MINDY2: variants seen among roughly 807,000 people sequenced by gnomAD.
MINDY2 encodes the protein ubiquitin carboxyl-terminal hydrolase MINDY-2.
MINDY2 carries 52 observed loss-of-function variants against 68.2 expected under a neutral mutation model. That is an observed-to-expected ratio of 0.76 (90% confidence interval 0.61 to 0.96). The LOEUF is 0.96. Among genes scored for constraint, MINDY2 ranks in the 40% least tolerant of loss-of-function variants. The pLI is 0.00. For synonymous variants in MINDY2, 372 were observed against 303.0 expected (o/e 1.23, Z -2.36); for missense variants, 881 against 773.4 (o/e 1.14, Z -1.65).
At chr15:58,787,783 G>T in intron 1 of MINDY2, 123 bp from the exon 2 acceptor site, 19 of 419,312 alleles carry the variant, frequency 4.5e-5, no homozygotes, top group Non-Finnish European at 4.7e-5. Context: ...TAATATATGT[G>T]AATGTTAATG....
chr15:58,831,136 G>A (rs771570297), intron 5 of MINDY2, among the ~76,000 whole-genome samples: 31 of 150,568 alleles, frequency 2.1e-4, no homozygotes, highest in Non-Finnish European at 4.1e-4. Flanking sequence ...ATCTATTTCC[G>A]AACTTGATAC....
At chr15:58,849,678 TTCTTTATA>T (rs2032718162) in intron 7 of MINDY2, among the ~76,000 whole-genome samples, 1 of 152,182 alleles carries the variant, frequency 6.6e-6, no homozygotes, top group African/African-American at 2.4e-5. Context: ...GAAGGACAAA[TTCTTTATA>T]TCTTTATATC....
chr15:58,854,108 G>T (rs185336836), intron 8 of MINDY2, among the ~76,000 whole-genome samples: 127 of 152,100 alleles, frequency 8.3e-4, no homozygotes, highest in African/African-American at 2.8e-3. Context: ...GCCAGGCGTG[G>T]TGGCAGGTGC....
At chr15:58,787,686 G>A (rs1319044218) in intron 1 of MINDY2, among the ~76,000 whole-genome samples, 2 of 148,006 alleles carry the variant, frequency 1.4e-5, no homozygotes, top group African/African-American at 5.0e-5. Context: ...GCAGTGAGCC[G>A]AGATTGCGCC....
At position 58,823,663 on chromosome 15, in the gene MINDY2, C is replaced by T. The variant is rs1221747815; in HGVS notation, c.1225+1844C>T. 2.4e-5 allele frequency among the ~76,000 whole-genome samples: 3 copies of T among 125,042 alleles called. No individual in the cohort carries two copies. The Admixed American group carries it at 2.5e-4, about 10-fold the overall frequency. The allele number at this position is 125,042 out of a possible 152,430, so 82.0% of individuals were successfully genotyped here. On this transcript the variant is annotated intron_variant, in intron 5 of 8. Transcript: ENST00000559228. Reference sequence around the variant, plus strand: ...CTGGGCAACAGAACAGAATCTGTCTCAAAAACAAAACAAAACAAAACAAAA... The same window carrying T: ...CTGGGCAACAGAACAGAATCTGTCTTAAAAACAAAACAAAACAAAACAAAA...
Position 58,772,060 on chromosome 15 carries a change from A to AGGG in MINDY2, c.668_670dup (p.Gly223dup), listed in dbSNP as rs772089892. The AGGG allele has an allele frequency of 2.5e-6, 4 of 1,610,868 alleles. No homozygotes were observed. Among genetic ancestry groups the AGGG allele is most frequent in the South Asian group, 1.1e-5 (1 of 90,690 alleles). ...GCTGTTCCTCTGTGCAAGGAGGAGGAGGGGGAGGAGACCGCTCAGGTGCTG... is the reference window on the plus strand; with the variant it reads ...GCTGTTCCTCTGTGCAAGGAGGAGGAGGGGGGGGAGGAGACCGCTCAGGTGCTG... On this transcript the variant is annotated inframe_insertion, in exon 1 of 9. Transcript: ENST00000559228.
At chr15:58,810,584 G>T (rs1351834710) in intron 4 of MINDY2, among the ~76,000 whole-genome samples, 196 bp downstream of exon 4, 1 of 152,094 alleles carries the variant, frequency 6.6e-6, no homozygotes, top group Non-Finnish European at 1.5e-5. Context: ...ACTCTAAGGA[G>T]CTAGGGCCCA....
chr15:58,840,990 T>C (rs1229119645), intron 6 of MINDY2, among the ~76,000 whole-genome samples: 4 of 149,552 alleles, frequency 2.7e-5, no homozygotes, highest in Non-Finnish European at 5.9e-5. Context: ...TTTTTAATTT[T>C]TTTTGGTGTG....
At chr15:58,827,594 G>A (rs2031477055) in intron 5 of MINDY2, among the ~76,000 whole-genome samples, 1 of 152,042 alleles carries the variant, frequency 6.6e-6, no homozygotes, top group Non-Finnish European at 1.5e-5. Flanking sequence ...CTCCCGAGTA[G>A]CTGAGACTAC....
At chr15:58,845,522 CT>C (rs2032487467) in intron 6 of MINDY2, among the ~76,000 whole-genome samples, 1 of 152,156 alleles carries the variant, frequency 6.6e-6, no homozygotes, top group Admixed American at 6.5e-5. Context: ...GTTAAAATGT[CT>C]TTTTTCCAAA....
rs1290001167 is a variant in MINDY2, at chr15:58,821,734, A to C, written c.1140A>C (p.Lys380Asn). Residue 380 changes from lysine (K) to asparagine (N), a missense_variant, in exon 5 of 9, where the codon AAA becomes AAC. By Grantham distance (94) the Lys-to-Asn change is moderately conservative (BLOSUM62 0). Coordinates refer to ENST00000559228, the MANE Select transcript of MINDY2 (RefSeq NM_001040450.3). ...TTTTCTAGATTGATGACATTGTAAA[A>C]GCTGTTGGTAACTGCAGCTACAACC... is the stretch of plus-strand genomic sequence containing the variant. ...LVDPQIDDIV[K>N]AVGNCSYNQL... 1 of 1,577,590 alleles carries C rather than the reference A, an allele frequency of 6.3e-7. No individual in the cohort carries two copies.
intron 1 of MINDY2, among the ~76,000 whole-genome samples, chr15:58,781,088 T>C (rs1042322188): frequency 6.6e-6 from 1 of 152,084 alleles, no homozygotes; most frequent in African/African-American, 2.4e-5. Flanking sequence ...TCATTCTTGT[T>C]GCCCAGGCTG....
At chr15:58,830,679 C>G (rs1382943348) in intron 5 of MINDY2, among the ~76,000 whole-genome samples, 1 of 152,174 alleles carries the variant, frequency 6.6e-6, no homozygotes, top group Non-Finnish European at 1.5e-5. Context: ...CTAGCCAGCA[C>G]TTTGGCATTA....
chr15:58,853,501 C>T (rs1172750371), intron 8 of MINDY2, among the ~76,000 whole-genome samples: 2 of 152,036 alleles, frequency 1.3e-5, no homozygotes, highest in Non-Finnish European at 2.9e-5. Flanking sequence ...ACTCCCAATT[C>T]TCAGGGGTTC....
In MINDY2 at chr15:58,861,829, G is replaced by C. The variant is rs1194169943; in HGVS notation, c.*7219G>C. ...GTTAATATACTTAAAACTGTAACCA[G>C]TGAATAACACCTGTAGTATTTTTTA... is the stretch of plus-strand genomic sequence containing the variant. On this transcript the variant is annotated 3_prime_UTR_variant, in exon 9 of 9. Transcript: ENST00000559228. 2 of 152,288 alleles carry C rather than the reference G, an allele frequency of 1.3e-5. No individual in the cohort carries two copies. The highest frequency in any genetic ancestry group is 4.8e-5 in the African/African-American group (2 of 41,568). 9.4% of individuals were successfully genotyped at this position (152,288 alleles called of 1,614,324 possible). A position where few individuals can be genotyped will look rare whatever the true frequency, so the allele number is the denominator to read the frequency against.
intron 2 of MINDY2, among the ~76,000 whole-genome samples, chr15:58,799,052 C>G (rs1475655749): frequency 1.3e-5 from 2 of 152,108 alleles, no homozygotes; most frequent in Non-Finnish European, 2.9e-5. Context: ...GGTGAGAGGA[C>G]TTAGCTACTA....
chr15:58,798,347 G>A (rs1352829054), intron 2 of MINDY2, among the ~76,000 whole-genome samples: 1 of 148,534 alleles, frequency 6.7e-6, no homozygotes, highest in African/African-American at 2.5e-5. Flanking sequence ...GGCTGATCTC[G>A]AACTCCTGAC....
In MINDY2 at chr15:58,817,365, G is replaced by GAA. The variant is rs201394289; in HGVS notation, c.1123-4350_1123-4349dup. ...ATGAACATATGAATTGGTCATCAGA[G>GAA]AAATACAAATTAAAATCAGAATTAG... is the stretch of plus-strand genomic sequence containing the variant. On this transcript the variant is annotated intron_variant, in intron 4 of 8. Coordinates refer to ENST00000559228, the MANE Select transcript of MINDY2 (RefSeq NM_001040450.3). Among the ~76,000 whole-genome samples, 365 of 152,260 alleles carry GAA rather than the reference G, an allele frequency of 2.4e-3. 3 individuals are homozygous for GAA. The highest frequency in any genetic ancestry group is 8.2e-3 in the African/African-American group (341 of 41,552).
intron 1 of MINDY2, among the ~76,000 whole-genome samples, chr15:58,786,274 G>A (rs531774237): frequency 3.5e-4 from 53 of 152,272 alleles, no homozygotes; most frequent in African/African-American, 1.2e-3. Flanking sequence ...TGATTTAAAG[G>A]ATTTCTTTGG....
Sources: allele counts gnomAD v4.1 joint callset (sites outside exome capture counted in the v4.1 genomes callset), GRCh38; gene constraint gnomAD v4.1.1; transcripts MANE v1.5; gene names NCBI Gene and HGNC (gene_info 2026-07-23, HGNC 2026-07-21).